The following RAB5IF variants were observed in gnomAD, a reference collection of about 807,000 sequenced individuals.
RAB5IF encodes the protein RAB5 interacting factor.
In RAB5IF, 15 loss-of-function variants were observed where a neutral mutation model predicts 20.3. That is an observed-to-expected ratio of 0.74 (90% confidence interval 0.50 to 1.14). RAB5IF has a LOEUF of 1.14. RAB5IF is among the 50% of genes most tolerant of loss of function. The probability of loss-of-function intolerance (pLI) is 0.00; values close to 1 mark genes in which losing one functional copy is unlikely to be tolerated. For missense variants in RAB5IF, 148 were observed against 159.5 expected (o/e 0.93, Z 0.39); for synonymous variants, 67 against 63.7 (o/e 1.05, Z -0.25).
chr20:36,609,044 T>G (rs6028337), intron 2 of RAB5IF, among the ~76,000 whole-genome samples: 137,604 of 151,470 alleles, frequency 0.91, 62,683 homozygotes, highest in African/African-American at 0.94. Context: ...CTTCACATGT[T>G]TTTCTCCCAT....
chr20:36,609,185 A>ACACACACACACACACACAC (rs2039021825), intron 2 of RAB5IF, among the ~76,000 whole-genome samples: 1 of 47,954 alleles, frequency 2.1e-5, no homozygotes, highest in Admixed American at 2.2e-4. Flanking sequence ...ACACACACAC[A>ACACACACACACACACACAC]CACACACACG....
intron 2 of RAB5IF, among the ~76,000 whole-genome samples, chr20:36,608,971 C>T (rs1484597299): frequency 6.6e-6 from 1 of 151,628 alleles, no homozygotes; most frequent in African/African-American, 2.4e-5. Context: ...CAGAAATGGT[C>T]TCCCACTGGG....
intron 3 of RAB5IF, 165 bp downstream of exon 3, chr20:36,609,895 A>T: frequency 8.4e-7 from 1 of 1,184,062 alleles, no homozygotes; most frequent in African/African-American, 1.5e-5. Context: ...ATCCCAGAAG[A>T]TGTGGTCTGA....
At chr20:36,610,247 G>A (rs1057055536) in intron 3 of RAB5IF, among the ~76,000 whole-genome samples, 1 of 152,050 alleles carries the variant, frequency 6.6e-6, no homozygotes, top group African/African-American at 2.4e-5. Context: ...TCGCGCCATC[G>A]CATTCTAGCC....
In RAB5IF at chr20:36,612,466, T is replaced by C. The variant is rs2039149414; in HGVS notation, c.*415T>C. The C allele has an allele frequency of 1.8e-6, 1 of 565,130 alleles. No individual in the cohort carries two copies. The highest frequency in any genetic ancestry group is 3.2e-6 in the Non-Finnish European group (1 of 315,868). The allele number at this position is 565,130 out of a possible 1,614,324, so 35.0% of individuals were successfully genotyped here. A position where few individuals can be genotyped will look rare whatever the true frequency, so the allele number is the denominator to read the frequency against. On this transcript the variant is annotated 3_prime_UTR_variant, in exon 4 of 4. Transcript: ENST00000344795. ...CTGAAACAGCATGGCTGTATGTGCG[T>C]GGTCCATAGCACAGTACATGCAGCA...
At chr20:36,611,985 T>C (rs781599588) in intron 3 of RAB5IF, 25 bp from the exon 4 acceptor site, 9 of 1,613,658 alleles carry the variant, frequency 5.6e-6, no homozygotes, top group Non-Finnish European at 7.6e-6. Context: ...AGGTGACCTA[T>C]GAACAGTGCT....
chr20:36,609,180 C>T (rs1249283791), intron 2 of RAB5IF, among the ~76,000 whole-genome samples: 2 of 35,396 alleles, frequency 5.7e-5, no homozygotes, highest in Non-Finnish European at 5.4e-5. Flanking sequence ...CACACACACA[C>T]ACACACACAC....
intron 1 of RAB5IF, among the ~76,000 whole-genome samples, chr20:36,606,323 C>T (rs923926446): frequency 1.3e-5 from 2 of 152,224 alleles, no homozygotes; most frequent in East Asian, 1.9e-4. Context: ...CGTTGTCATT[C>T]GCGGGCAGGG....
rs1191424299 is a variant in RAB5IF at position 36,612,453 on chromosome 20, G to A, written c.*402G>A. On this transcript the variant is annotated 3_prime_UTR_variant, in exon 4 of 4. Transcript: ENST00000344795. ...CATTTCAAGTCTTCTGAAACAGCAT[G>A]GCTGTATGTGCGTGGTCCATAGCAC... 4 of 579,994 alleles carry A rather than the reference G, an allele frequency of 6.9e-6. No individual in the cohort carries two copies. The highest frequency in any genetic ancestry group is 3.7e-5 in the African/African-American group (2 of 53,506). 35.9% of individuals were successfully genotyped at this position (579,994 alleles called of 1,614,324 possible). A position where few individuals can be genotyped will look rare whatever the true frequency, so the allele number is the denominator to read the frequency against.
chr20:36,609,271 C>T (rs939464480), intron 2 of RAB5IF, among the ~76,000 whole-genome samples: 4 of 144,462 alleles, frequency 2.8e-5, no homozygotes, highest in East Asian at 2.1e-4. Flanking sequence ...TATAGAGTTT[C>T]GCTGTTGCCC....
intron 3 of RAB5IF, among the ~76,000 whole-genome samples, chr20:36,611,387 A>G (rs77765031): frequency 1.0e-3 from 151 of 150,768 alleles, no homozygotes; most frequent in African/African-American, 3.5e-3. Context: ...GCTTGAGTCC[A>G]GGAGTTCGAG....
rs2039142761 is a variant in RAB5IF at position 36,612,236 on chromosome 20, AC to A, written c.*187del. On this transcript the variant is annotated 3_prime_UTR_variant, in exon 4 of 4. Coordinates refer to ENST00000344795, the MANE Select transcript of RAB5IF (RefSeq NM_018840.5). Reference sequence around the variant, plus strand: ...GGTTGTGACCTGAAACTTTTTAAAAACCACCCACCTTTGGGGAAGCATTTCT... The same window carrying A: ...GGTTGTGACCTGAAACTTTTTAAAAACACCCACCTTTGGGGAAGCATTTCT... The A allele has an allele frequency of 5.0e-6, 8 of 1,611,714 alleles. No homozygotes were observed. In the African/African-American group the frequency reaches 5.3e-5, roughly 11 times the overall value.
rs767013605 is a variant in RAB5IF, at chr20:36,609,637, C to T, written c.255C>T (p.Tyr85=). The T allele has an allele frequency of 9.3e-6, 15 of 1,612,362 alleles. No individual in the cohort carries two copies. The South Asian group carries it at 1.7e-4, about 18-fold the overall frequency. The change falls in exon 3 of 4, where the codon TAC becomes TAT. Residue 85 remains tyrosine (Y), a synonymous_variant. Transcript: ENST00000344795. ...CLINAGVLYL[Y]FSNYLQIDEE... ...TCAATGCAGGAGTCCTGTACCTCTA[C>T]TTCAGCAATTACCTACAGATTGATG...
Position 36,605,942 on chromosome 20 carries a change from C to T in RAB5IF, c.-10C>T, listed in dbSNP as rs1475091339. On this transcript the variant is annotated 5_prime_UTR_variant, in exon 1 of 4. Transcript: ENST00000344795. ...CGCCCCAGGCCCGGCCCGGGCGGCG[C>T]GACGGGAGGATGAGCGGCGGGCGGC... is the stretch of plus-strand genomic sequence containing the variant. 5 of 1,493,062 alleles carry T rather than the reference C, an allele frequency of 3.3e-6. No individual in the cohort carries two copies. The Admixed American group carries it at 1.1e-4, about 32-fold the overall frequency. 92.5% of individuals were successfully genotyped at this position (1,493,062 alleles called of 1,614,324 possible).
At chr20:36,608,556 C>CTTT (rs34058641) in intron 2 of RAB5IF, among the ~76,000 whole-genome samples, 2 of 104,898 alleles carry the variant, frequency 1.9e-5, no homozygotes, top group African/African-American at 3.6e-5. Context: ...CGGTCTCATT[C>CTTT]TTTTTTTTTT....
chr20:36,610,424 G>T (rs937796624), intron 3 of RAB5IF, among the ~76,000 whole-genome samples: 7 of 152,228 alleles, frequency 4.6e-5, no homozygotes, highest in Admixed American at 3.3e-4. Context: ...TGAAGTGGCC[G>T]GGCGCGGTCG....
At position 36,612,501 on chromosome 20, in the gene RAB5IF, A is replaced by C. The variant is rs1467626861; in HGVS notation, c.*450A>C. 1 of 471,234 alleles carries C rather than the reference A, an allele frequency of 2.1e-6. No individual in the cohort carries two copies. Among genetic ancestry groups the C allele is most frequent in the Non-Finnish European group, 3.9e-6 (1 of 257,964 alleles). The allele number at this position is 471,234 out of a possible 1,614,324, so 29.2% of individuals were successfully genotyped here. ...CACAGTACATGCAGCATCTAATAAG[A>C]GTTTCCATTGTAGAATGTTTTCACA... On this transcript the variant is annotated 3_prime_UTR_variant, in exon 4 of 4. Transcript: ENST00000344795.
At chr20:36,609,042 G>A (rs1279070517) in intron 2 of RAB5IF, among the ~76,000 whole-genome samples, 1 of 151,678 alleles carries the variant, frequency 6.6e-6, no homozygotes, top group Non-Finnish European at 1.5e-5. Context: ...AGCTTCACAT[G>A]TTTTTCTCCC....
At chr20:36,609,773 A>G in intron 3 of RAB5IF, 43 bp downstream of exon 3, 1 of 1,613,998 alleles carries the variant, frequency 6.2e-7, no homozygotes, top group Non-Finnish European at 8.5e-7. Flanking sequence ...TGTTCATTTC[A>G]TGAGGTGTCA....
Sources: allele counts gnomAD v4.1 joint callset (sites outside exome capture counted in the v4.1 genomes callset), GRCh38; gene constraint gnomAD v4.1.1; transcripts MANE v1.5; gene names NCBI Gene and HGNC (gene_info 2026-07-23, HGNC 2026-07-21).